The following CCDC169 variants were observed in gnomAD, a reference collection of about 807,000 sequenced individuals.
CCDC169 encodes the protein coiled-coil domain-containing protein 169.
Under a neutral mutation model 36.0 loss-of-function variants are expected in CCDC169, and 30 were observed. The ratio of observed to expected loss-of-function variants is 0.83; its 90% CI spans 0.62 to 1.13. The LOEUF (loss-of-function observed/expected upper bound fraction) is 1.13, where lower values mean the gene tolerates loss of function less well. Ranked by LOEUF, CCDC169 falls within the 50% of genes most tolerant of loss-of-function variation. The probability of loss-of-function intolerance (pLI) is 0.00; values close to 1 mark genes in which losing one functional copy is unlikely to be tolerated. For missense variants in CCDC169, 245 were observed against 245.9 expected (o/e 1.00, Z 0.03); for synonymous variants, 85 against 81.5 (o/e 1.04, Z -0.23).
chr13:36,229,510 T>G (rs540367978), downstream of CCDC169, among the ~76,000 whole-genome samples: 19 of 151,168 alleles, frequency 1.3e-4, no homozygotes, highest in African/African-American at 4.6e-4. Context: ...GTGTTTATTT[T>G]TCATTGATAA....
At chr13:36,283,329 G>A (rs1204824914) in intron 4 of CCDC169, 140 bp downstream of exon 4, 13 of 779,260 alleles carry the variant, frequency 1.7e-5, no homozygotes, top group Non-Finnish European at 2.4e-5. Flanking sequence ...ATTATTTGTT[G>A]TCCTTCAAAC....
chr13:36,231,353 A>G (rs1870402484), intron 7 of CCDC169, 61 bp from the exon 8 acceptor site: 3 of 1,476,424 alleles, frequency 2.0e-6, no homozygotes, highest in Non-Finnish European at 2.8e-6. Context: ...CAAAAACATT[A>G]TAGGCCACAC....
chr13:36,282,616 G>T, intron 4 of CCDC169: 1 of 822,444 alleles, frequency 1.2e-6, no homozygotes, highest in Non-Finnish European at 1.5e-6. Context: ...TCTTCGTTGT[G>T]CTAATATTTC....
intron 7 of CCDC169, 89 bp downstream of exon 7, chr13:36,248,516 AG>A (rs765183071): frequency 8.1e-7 from 1 of 1,235,524 alleles, no homozygotes; most frequent in Non-Finnish European, 1.1e-6. Context: ...CTAGAAGTTC[AG>A]CTTCCAAAAT....
At chr13:36,280,564 G>A (rs1365124727) in intron 4 of CCDC169, 1 of 152,182 alleles carries the variant, frequency 6.6e-6, no homozygotes, top group Admixed American at 6.5e-5. Context: ...AACTGTCCAT[G>A]CGGTAAGGTT....
intron 4 of CCDC169, among the ~76,000 whole-genome samples, chr13:36,264,440 G>T (rs1875011188): frequency 6.6e-6 from 1 of 151,934 alleles, no homozygotes; most frequent in South Asian, 2.1e-4. Flanking sequence ...AAAAAAAAAA[G>T]TAGGATACCT....
chr13:36,262,089 C>G (rs950549421), intron 4 of CCDC169, among the ~76,000 whole-genome samples: 2 of 152,160 alleles, frequency 1.3e-5, no homozygotes, highest in African/African-American at 4.8e-5. Flanking sequence ...CTGTCTACCC[C>G]TCTAGTGCTG....
chr13:36,290,471 T>C (rs1248723268), intron 2 of CCDC169, among the ~76,000 whole-genome samples: 1 of 152,180 alleles, frequency 6.6e-6, no homozygotes, highest in Non-Finnish European at 1.5e-5. Context: ...CTTTACATTT[T>C]TTTTTACCTC....
chr13:36,237,075 T>G (rs1593995620), intron 7 of CCDC169, among the ~76,000 whole-genome samples: 1 of 55,186 alleles, frequency 1.8e-5, no homozygotes. Context: ...TATTGTATTA[T>G]TATTATTATT....
At chr13:36,265,530 A>G (rs1225839156) in intron 4 of CCDC169, among the ~76,000 whole-genome samples, 1 of 152,196 alleles carries the variant, frequency 6.6e-6, no homozygotes. Flanking sequence ...TCCCCATAAG[A>G]CACCCAGTTT....
chr13:36,244,647 AAAAG>A (rs1872275409), intron 7 of CCDC169: 1 of 147,538 alleles, frequency 6.8e-6, no homozygotes, highest in East Asian at 2.0e-4. Flanking sequence ...AAGAAAGAAA[AAAAG>A]AAAGAAAGAG....
intron 4 of CCDC169, among the ~76,000 whole-genome samples, chr13:36,256,096 C>A (rs1435472467): frequency 1.3e-5 from 2 of 152,214 alleles, no homozygotes; most frequent in African/African-American, 4.8e-5. Flanking sequence ...GGCTGGGCAG[C>A]TGTGCAGGTT....
chr13:36,297,708 C>T lies in CCDC169; in HGVS notation c.12G>A (p.Glu4=), dbSNP rs751293504. 1.9e-6 allele frequency: 3 copies of T among 1,551,210 alleles called. No individual in the cohort carries two copies. Among genetic ancestry groups the T allele is most frequent in the Admixed American group, 2.0e-5 (1 of 50,982 alleles). The change falls in exon 1 of 8, where the codon GAG becomes GAA. Residue 4 remains glutamate (E), a synonymous_variant. Transcript: ENST00000239859. MKE[E]RNYNFDGVST... is the part of the protein sequence containing the mutation. Reference sequence around the variant, plus strand: ...TCACACCGTCGAAGTTGTAGTTTCTCTCTTCCTTCATAGTGTCAGGCCAGA... The same window carrying T: ...TCACACCGTCGAAGTTGTAGTTTCTTTCTTCCTTCATAGTGTCAGGCCAGA...
intron 6 of CCDC169, among the ~76,000 whole-genome samples, chr13:36,251,978 T>C (rs1177600759): frequency 6.6e-6 from 1 of 152,234 alleles, no homozygotes; most frequent in Non-Finnish European, 1.5e-5. Context: ...AAGATACTGA[T>C]ATTTCCTTTT....
chr13:36,272,079 C>G (rs200198571), intron 4 of CCDC169, among the ~76,000 whole-genome samples: 2 of 139,532 alleles, frequency 1.4e-5, no homozygotes, highest in Non-Finnish European at 3.1e-5. Context: ...AGTGAGGCTC[C>G]GTCTCAAAAA....
downstream of CCDC169, chr13:36,224,133 A>G (rs967199513): frequency 1.3e-5 from 2 of 152,160 alleles, no homozygotes; most frequent in African/African-American, 4.8e-5. Context: ...TAAGTAAAAA[A>G]ATTGGATTAT....
chr13:36,278,989 C>T (rs1182796793), intron 4 of CCDC169, among the ~76,000 whole-genome samples: 1 of 152,162 alleles, frequency 6.6e-6, no homozygotes, highest in Non-Finnish European at 1.5e-5. Flanking sequence ...TCTCAATTGT[C>T]ATTAAATTCT....
intron 4 of CCDC169, among the ~76,000 whole-genome samples, chr13:36,261,144 G>C (rs1009328004): frequency 4.6e-5 from 7 of 152,218 alleles, no homozygotes; most frequent in South Asian, 2.1e-4. Context: ...TGGACCAAAG[G>C]CTTAACCAGG....
At chr13:36,278,572 A>T (rs751170650) in intron 4 of CCDC169, among the ~76,000 whole-genome samples, 11 of 152,144 alleles carry the variant, frequency 7.2e-5, no homozygotes, top group African/African-American at 4.8e-5. Context: ...CTTTTCCTGA[A>T]CATTCATAAA....
Sources: gnomAD v4.1 joint callset for allele counts (sites outside exome capture counted in the v4.1 genomes callset) on GRCh38, gnomAD v4.1.1 for gene constraint, MANE v1.5 for transcripts, NCBI Gene and HGNC (gene_info 2026-07-23, HGNC 2026-07-21) for gene names.